Variants in MYO1E observed in about 807,000 individuals in gnomAD.
MYO1E encodes unconventional myosin-Ie.
A neutral mutation model predicts 151.1 loss-of-function variants in MYO1E; 68 were observed. The observed-to-expected ratio is 0.45, with a 90% CI of 0.37 to 0.55. The LOEUF (loss-of-function observed/expected upper bound fraction) is 0.55. Among genes scored for constraint, MYO1E ranks in the 20% least tolerant of loss-of-function variants. The pLI is 0.00. For synonymous variants in MYO1E, 601 were observed against 501.7 expected (o/e 1.20, Z -2.64); for missense variants, 1,363 against 1,389.3 (o/e 0.98, Z 0.30).
chr15:59,172,880 G>A (rs560607425), intron 21 of MYO1E, among the ~76,000 whole-genome samples: 2 of 152,378 alleles, frequency 1.3e-5, no homozygotes, highest in South Asian at 2.1e-4. Context: ...ATCCAGGGCT[G>A]CCGTCACAGC....
chr15:59,219,836 A>C (rs1177572689), intron 9 of MYO1E, among the ~76,000 whole-genome samples: 5 of 152,230 alleles, frequency 3.3e-5, no homozygotes, highest in African/African-American at 1.2e-4. Flanking sequence ...TAGAATCTGC[A>C]AGTGGATATT....
At chr15:59,321,966 G>T (rs1463285982) in intron 1 of MYO1E, among the ~76,000 whole-genome samples, 9 of 152,144 alleles carry the variant, frequency 5.9e-5, no homozygotes, top group African/African-American at 2.2e-4. Flanking sequence ...CTGAGGTCAG[G>T]AATTGGAGAC....
intron 1 of MYO1E, among the ~76,000 whole-genome samples, chr15:59,294,481 A>G (rs1301450661): frequency 1.3e-5 from 2 of 152,226 alleles, no homozygotes; most frequent in Non-Finnish European, 2.9e-5. Context: ...GGAAATAAAC[A>G]GCTTTGGATA....
chr15:59,316,227 G>A (rs60495518), intron 1 of MYO1E, among the ~76,000 whole-genome samples: 4,779 of 152,282 alleles, frequency 0.031, 249 homozygotes, highest in African/African-American at 0.11. Context: ...CTGTCACAAG[G>A]GCTGTGGCTT....
At chr15:59,314,757 A>G (rs12439522) in intron 1 of MYO1E, among the ~76,000 whole-genome samples, 47,422 of 151,900 alleles carry the variant, frequency 0.31, 7,869 homozygotes, top group East Asian at 0.44. Context: ...ACATCCTCCT[A>G]TGCACAGGAC....
chr15:59,149,871 T>C (rs1284423533), intron 26 of MYO1E, among the ~76,000 whole-genome samples: 3 of 152,222 alleles, frequency 2.0e-5, no homozygotes, highest in Non-Finnish European at 4.4e-5. Context: ...TTCATGTTTA[T>C]GGAAAAAGTA....
At chr15:59,177,219 TAACTC>T (rs1432030197) in intron 19 of MYO1E, among the ~76,000 whole-genome samples, 1 of 152,204 alleles carries the variant, frequency 6.6e-6, no homozygotes, top group African/African-American at 2.4e-5. Flanking sequence ...AAGCTACAAA[TAACTC>T]AAAGTAGAAA....
intron 21 of MYO1E, among the ~76,000 whole-genome samples, chr15:59,172,589 A>T (rs1343621170): frequency 1.3e-5 from 2 of 152,238 alleles, no homozygotes; most frequent in African/African-American, 4.8e-5. Context: ...AAAAACTGGC[A>T]AACTCATATG....
intron 4 of MYO1E, among the ~76,000 whole-genome samples, chr15:59,239,222 A>AT (rs2080084753): frequency 1.2e-5 from 1 of 84,422 alleles, no homozygotes; most frequent in African/African-American, 7.9e-5. Flanking sequence ...ATATATATAT[A>AT]TATTTTTTTT....
rs181061312 is a variant in MYO1E, at chr15:59,228,225, G to A, written c.511-635C>T. Among the ~76,000 whole-genome samples, 151 of 152,268 alleles carry A rather than the reference G, an allele frequency of 9.9e-4. 1 individual carries two copies. The highest frequency in any genetic ancestry group is 1.5e-5 in the Non-Finnish European group (1 of 68,010). On this transcript the variant is annotated intron_variant, in intron 6 of 27. Coordinates refer to ENST00000288235, the MANE Select transcript of MYO1E (RefSeq NM_004998.4). ...TAGCCAGGCGCGGTGGCTCACGCCTGTAATCCCAGCACTTTGAAGGCTGAG... is the reference window on the plus strand; with the variant it reads ...TAGCCAGGCGCGGTGGCTCACGCCTATAATCCCAGCACTTTGAAGGCTGAG...
intron 1 of MYO1E, among the ~76,000 whole-genome samples, chr15:59,315,779 G>A (rs1378544413): frequency 6.6e-6 from 1 of 152,098 alleles, no homozygotes; most frequent in African/African-American, 2.4e-5. Flanking sequence ...ATGCCCCAAT[G>A]CTGCTGCTGT....
intron 1 of MYO1E, among the ~76,000 whole-genome samples, chr15:59,321,018 T>C (rs564714030): frequency 1.3e-5 from 2 of 152,108 alleles, no homozygotes; most frequent in East Asian, 3.9e-4. Context: ...CATTAAAAAA[T>C]GGCCAAAAGA....
chr15:59,226,785 C>A (rs2079994326), intron 7 of MYO1E, among the ~76,000 whole-genome samples: 1 of 152,254 alleles, frequency 6.6e-6, no homozygotes, highest in East Asian at 1.9e-4. Flanking sequence ...CCAGCCTGGG[C>A]AAGAGAGCAA....
chr15:59,355,418 C>T (rs1330339051), intron 1 of MYO1E, among the ~76,000 whole-genome samples: 3 of 152,108 alleles, frequency 2.0e-5, no homozygotes, highest in South Asian at 4.1e-4. Flanking sequence ...CTGCCACTCA[C>T]GTGGGAGGCT....
chr15:59,300,779 G>A (rs2140403408), intron 1 of MYO1E, among the ~76,000 whole-genome samples: 1 of 152,090 alleles, frequency 6.6e-6, no homozygotes, highest in South Asian at 2.1e-4. Flanking sequence ...CTAGCTCTAA[G>A]AAGCTAGCCA....
At chr15:59,342,756 C>A (rs2080773076) in intron 1 of MYO1E, among the ~76,000 whole-genome samples, 4 of 152,148 alleles carry the variant, frequency 2.6e-5, no homozygotes, top group Admixed American at 1.3e-4. Flanking sequence ...TAAATTCTTC[C>A]TTTTTATTTT....
rs562180100 is a variant in MYO1E at position 59,334,895 on chromosome 15, G to T, written c.3+37603C>A. Reference sequence around the variant, plus strand: ...TCCCTCATTTTGCTCCATCCACTTAGATGTCTCACGTACAGGTCACACTTT... The same window carrying T: ...TCCCTCATTTTGCTCCATCCACTTATATGTCTCACGTACAGGTCACACTTT... On this transcript the variant is annotated intron_variant, in intron 1 of 27. Transcript: ENST00000288235. Among the ~76,000 whole-genome samples, 11 of 152,272 alleles carry T rather than the reference G, an allele frequency of 7.2e-5. No homozygotes were observed. In the East Asian group the frequency reaches 2.1e-3, roughly 29 times the overall value.
At position 59,135,841 on chromosome 15, in the gene MYO1E, T is replaced by C. The variant is rs2079369288; in HGVS notation, c.*1539A>G. ...ACCCAGAGGAGGAAAGGTAGAGAAATGGCAGTCTCTACTTACAACCATTCC... is the reference window on the plus strand; with the variant it reads ...ACCCAGAGGAGGAAAGGTAGAGAAACGGCAGTCTCTACTTACAACCATTCC... On this transcript the variant is annotated 3_prime_UTR_variant, in exon 28 of 28. Transcript: ENST00000288235. The C allele has an allele frequency of 6.6e-6, 1 of 152,192 alleles. No homozygotes were observed. Among genetic ancestry groups the C allele is most frequent in the South Asian group, 2.1e-4 (1 of 4,828 alleles). The allele number at this position is 152,192 out of a possible 1,614,324, so 9.4% of individuals were successfully genotyped here. A position where few individuals can be genotyped will look rare whatever the true frequency, so the allele number is the denominator to read the frequency against.
intron 1 of MYO1E, among the ~76,000 whole-genome samples, chr15:59,297,534 C>G (rs1264638868): frequency 2.0e-5 from 3 of 149,152 alleles, no homozygotes; most frequent in African/African-American, 7.4e-5. Flanking sequence ...CTGCCTGCCT[C>G]AGCCTCCCAA....
Sources: allele counts gnomAD v4.1 joint callset (sites outside exome capture counted in the v4.1 genomes callset), GRCh38; gene constraint gnomAD v4.1.1; transcripts MANE v1.5; gene names NCBI Gene and HGNC (gene_info 2026-07-23, HGNC 2026-07-21).